PDE3A: variants seen among roughly 807,000 people sequenced by gnomAD.
PDE3A encodes the protein cGMP-inhibited 3',5'-cyclic phosphodiesterase 3A.
In PDE3A, 43 loss-of-function variants were observed where a neutral mutation model predicts 98.3. That is an observed-to-expected ratio of 0.44 (90% confidence interval 0.34 to 0.56). PDE3A has a LOEUF of 0.56. Among genes scored for constraint, PDE3A ranks in the 20% least tolerant of loss-of-function variants. The probability of loss-of-function intolerance (pLI) is 0.01; values close to 1 mark genes in which losing one functional copy is unlikely to be tolerated. For missense variants in PDE3A, 1,427 were observed against 1,440.7 expected, an observed-to-expected ratio of 0.99 and a Z score of 0.15; for synonymous variants, 663 against 567.9, an observed-to-expected ratio of 1.17 and a Z score of -2.38.
intron 15 of PDE3A, among the ~76,000 whole-genome samples, chr12:20,667,167 C>G (rs1172209241): frequency 6.6e-6 from 1 of 151,970 alleles, no homozygotes; most frequent in Non-Finnish European, 1.5e-5. Flanking sequence ...CTTGTATATT[C>G]TGGATATTAG....
intron 1 of PDE3A, among the ~76,000 whole-genome samples, chr12:20,405,245 G>GA (rs1381696634): frequency 6.6e-6 from 1 of 152,044 alleles, no homozygotes; most frequent in African/African-American, 2.4e-5. Flanking sequence ...TACCTCCAGG[G>GA]ATAACCCAGG....
intron 1 of PDE3A, among the ~76,000 whole-genome samples, chr12:20,528,297 G>T (rs76204268): frequency 0.031 from 4,765 of 152,272 alleles, 106 homozygotes; most frequent in Middle Eastern, 0.12. Context: ...CCCAGCTACT[G>T]ACATTATGTA....
chr12:20,577,525 G>T (rs1592074220), intron 2 of PDE3A, among the ~76,000 whole-genome samples: 1 of 152,116 alleles, frequency 6.6e-6, no homozygotes, highest in African/African-American at 2.4e-5. Context: ...GTGTGTTTTT[G>T]TATAATTTGA....
intron 1 of PDE3A, among the ~76,000 whole-genome samples, chr12:20,386,184 A>AAT (rs1193219967): frequency 1.1e-4 from 10 of 94,494 alleles, no homozygotes; most frequent in African/African-American, 4.4e-4. Flanking sequence ...AATATATATA[A>AAT]ATATATATAA....
rs1445916357 is a variant in PDE3A, at chr12:20,449,976, A to T, written c.960+79732A>T. On this transcript the variant is annotated intron_variant, in intron 1 of 15. Transcript: ENST00000359062. ...CCTTATATGGAGGGTTGTCAGGAAC[A>T]ATAAGCCCTTGCCAAGTCAATAAAT... is the stretch of plus-strand genomic sequence containing the variant. 8.2e-6 allele frequency: 6 copies of T among 729,052 alleles called. No homozygotes were observed. In the East Asian group the frequency reaches 1.6e-4, roughly 20 times the overall value. The allele number at this position is 729,052 out of a possible 1,614,324, so 45.2% of individuals were successfully genotyped here. A position where few individuals can be genotyped will look rare whatever the true frequency, so the allele number is the denominator to read the frequency against.
At chr12:20,386,489 GTTTTT>G (rs752470952) in intron 1 of PDE3A, among the ~76,000 whole-genome samples, 1 of 150,522 alleles carries the variant, frequency 6.6e-6, no homozygotes, top group Non-Finnish European at 1.5e-5. Flanking sequence ...GGGGTTGTTT[GTTTTT>G]TTCTTTTTTC....
chr12:20,423,296 T>G (rs1440369566), intron 1 of PDE3A, among the ~76,000 whole-genome samples: 2 of 152,114 alleles, frequency 1.3e-5, no homozygotes, highest in Non-Finnish European at 2.9e-5. Context: ...AATCAATTTT[T>G]CTCCCAAATC....
At chr12:20,642,782 A>AG (rs1450632995) in intron 10 of PDE3A, among the ~76,000 whole-genome samples, 1 of 152,188 alleles carries the variant, frequency 6.6e-6, no homozygotes, top group East Asian at 1.9e-4. Flanking sequence ...TTGAAGTGAC[A>AG]TGGTACATGC....
At chr12:20,652,772 A>T (rs1257314701) in intron 14 of PDE3A, among the ~76,000 whole-genome samples, 1 of 152,206 alleles carries the variant, frequency 6.6e-6, no homozygotes, top group Non-Finnish European at 1.5e-5. Flanking sequence ...ATGGGCAAGG[A>T]CTTCATGTCT....
chr12:20,437,130 T>A (rs900072831), intron 1 of PDE3A, among the ~76,000 whole-genome samples: 4 of 152,078 alleles, frequency 2.6e-5, no homozygotes, highest in Admixed American at 1.3e-4. Context: ...TGGACTGTGC[T>A]ACTAAACAAA....
intron 1 of PDE3A, chr12:20,449,799 T>A: frequency 1.9e-6 from 1 of 525,752 alleles, no homozygotes; most frequent in Non-Finnish European, 3.4e-6. Flanking sequence ...ACTTGGTCAG[T>A]TTTGGTTGCT....
intron 1 of PDE3A, among the ~76,000 whole-genome samples, chr12:20,431,881 G>A (rs950373502): frequency 2.6e-5 from 4 of 152,132 alleles, no homozygotes; most frequent in East Asian, 1.9e-4. Context: ...TGTAAGGTTC[G>A]TAAGTTTTTG....
chr12:20,452,317 A>G (rs1945079277), intron 1 of PDE3A, among the ~76,000 whole-genome samples: 1 of 152,088 alleles, frequency 6.6e-6, no homozygotes, highest in African/African-American at 2.4e-5. Flanking sequence ...ATAATTTTTT[A>G]GAATTTGGAA....
chr12:20,453,031 C>G (rs1416843129), intron 1 of PDE3A, among the ~76,000 whole-genome samples: 1 of 152,114 alleles, frequency 6.6e-6, no homozygotes, highest in East Asian at 1.9e-4. Flanking sequence ...AGAAAGAATG[C>G]CATGTACTCC....
chr12:20,375,045 C>G (rs1046343143), intron 1 of PDE3A, among the ~76,000 whole-genome samples: 2 of 151,912 alleles, frequency 1.3e-5, no homozygotes, highest in African/African-American at 4.8e-5. Context: ...TGCCATATGT[C>G]TCCTCTTCAG....
At chr12:20,635,434 C>G (rs112257121) in intron 8 of PDE3A, among the ~76,000 whole-genome samples, 1 of 152,002 alleles carries the variant, frequency 6.6e-6, no homozygotes, top group African/African-American at 2.4e-5. Flanking sequence ...CAAAATTAGC[C>G]GGGCGTGGTG....
intron 15 of PDE3A, among the ~76,000 whole-genome samples, chr12:20,677,232 A>G (rs1565474757): frequency 5.3e-5 from 8 of 151,908 alleles, no homozygotes; most frequent in Admixed American, 5.2e-4. Flanking sequence ...TTTCTCATTC[A>G]TATTATGAAT....
At chr12:20,488,152 T>G (rs554436448) in intron 1 of PDE3A, among the ~76,000 whole-genome samples, 1 of 152,180 alleles carries the variant, frequency 6.6e-6, no homozygotes, top group African/African-American at 2.4e-5. Flanking sequence ...GGGCACTATA[T>G]TATCCTTTTT....
intron 12 of PDE3A, among the ~76,000 whole-genome samples, chr12:20,648,360 AT>A (rs1223918411): frequency 1.3e-5 from 2 of 149,470 alleles, no homozygotes; most frequent in African/African-American, 2.5e-5. Flanking sequence ...TTTGTATATA[AT>A]TTTTATGTTT....
Sources: allele counts gnomAD v4.1 joint callset (sites outside exome capture counted in the v4.1 genomes callset), GRCh38; gene constraint gnomAD v4.1.1; transcripts MANE v1.5; gene names NCBI Gene and HGNC (gene_info 2026-07-23, HGNC 2026-07-21).